The following ROBO1 variants were observed in gnomAD, a reference collection of about 807,000 sequenced individuals.
ROBO1 encodes roundabout homolog 1.
Under a neutral mutation model 195.9 loss-of-function variants are expected in ROBO1, and 149 were observed. The ratio of observed to expected loss-of-function variants is 0.76; its 90% CI spans 0.67 to 0.87. ROBO1 has a LOEUF of 0.87. ROBO1 is among the 40% of genes least tolerant of loss of function. The probability of loss-of-function intolerance (pLI) is 0.00; values close to 1 mark genes in which losing one functional copy is unlikely to be tolerated. For synonymous variants in ROBO1, 816 were observed against 733.2 expected, an observed-to-expected ratio of 1.11 and a Z score of -1.82; for missense variants, 1,933 against 2,068.3, an observed-to-expected ratio of 0.93 and a Z score of 1.27.
At chr3:78,818,234 G>GCCCA (rs2030365995) in intron 4 of ROBO1, among the ~76,000 whole-genome samples, 1 of 152,140 alleles carries the variant, frequency 6.6e-6, no homozygotes, top group African/African-American at 2.4e-5. Flanking sequence ...CTGAAGCCTG[G>GCCCA]CCCAGCCTGT....
At chr3:79,559,709 G>A (rs1942836808) in intron 2 of ROBO1, among the ~76,000 whole-genome samples, 1 of 152,086 alleles carries the variant, frequency 6.6e-6, no homozygotes, top group Non-Finnish European at 1.5e-5. Context: ...ACGAGGTCAG[G>A]ATTTCGAGAC....
At chr3:79,610,005 A>T (rs1944606417) in intron 1 of ROBO1, among the ~76,000 whole-genome samples, 1 of 151,984 alleles carries the variant, frequency 6.6e-6, no homozygotes, top group Non-Finnish European at 1.5e-5. Flanking sequence ...TTGAAATTTT[A>T]TGTTATATAT....
At chr3:79,358,996 A>G (rs2035666428) in intron 2 of ROBO1, among the ~76,000 whole-genome samples, 1 of 152,060 alleles carries the variant, frequency 6.6e-6, no homozygotes, top group Non-Finnish European at 1.5e-5. Context: ...ACGTTCATCT[A>G]TAAATTAATG....
intron 1 of ROBO1, among the ~76,000 whole-genome samples, chr3:79,697,440 C>T (rs9862551): frequency 0.59 from 89,770 of 151,020 alleles, 26,865 homozygotes; most frequent in Middle Eastern, 0.7. Context: ...GTCATCATAT[C>T]TTAAGGAGAA....
intron 2 of ROBO1, among the ~76,000 whole-genome samples, chr3:79,372,758 C>T (rs1037237161): frequency 1.3e-5 from 2 of 151,970 alleles, no homozygotes; most frequent in Non-Finnish European, 2.9e-5. Flanking sequence ...TGAGAAAATA[C>T]ATTTTTTTTT....
chr3:79,549,269 G>A (rs1300688686), intron 2 of ROBO1, among the ~76,000 whole-genome samples: 1 of 152,116 alleles, frequency 6.6e-6, no homozygotes, highest in Non-Finnish European at 1.5e-5. Flanking sequence ...TGGCCTTCAA[G>A]GAGCTTATGA....
chr3:79,238,867 C>T (rs532197885), intron 2 of ROBO1, among the ~76,000 whole-genome samples: 1 of 152,230 alleles, frequency 6.6e-6, no homozygotes, highest in African/African-American at 2.4e-5. Context: ...CTGTCACTTG[C>T]ACAATCCCAA....
chr3:79,380,124 C>T (rs1228055560), intron 2 of ROBO1, among the ~76,000 whole-genome samples: 2 of 152,168 alleles, frequency 1.3e-5, no homozygotes, highest in Non-Finnish European at 2.9e-5. Context: ...CTCCATGCAT[C>T]ATGTGATCTC....
chr3:79,676,725 C>T (rs1946795827), intron 1 of ROBO1, among the ~76,000 whole-genome samples: 1 of 151,910 alleles, frequency 6.6e-6, no homozygotes, highest in Non-Finnish European at 1.5e-5. Flanking sequence ...AACATTTCAC[C>T]ACCTTTGACA....
At chr3:79,477,193 G>A (rs1361339725) in intron 2 of ROBO1, among the ~76,000 whole-genome samples, 2 of 152,084 alleles carry the variant, frequency 1.3e-5, no homozygotes. Context: ...CTTCAAGCAA[G>A]GTAAGTGGTA....
intron 4 of ROBO1, among the ~76,000 whole-genome samples, chr3:78,818,327 T>G (rs957959283): frequency 1.3e-5 from 2 of 152,160 alleles, no homozygotes; most frequent in Non-Finnish European, 2.9e-5. Flanking sequence ...ATAGCTGGGC[T>G]GACCCAGGTT....
chr3:78,855,512 G>C (rs1490750414), intron 4 of ROBO1, among the ~76,000 whole-genome samples: 2 of 152,168 alleles, frequency 1.3e-5, no homozygotes, highest in African/African-American at 4.8e-5. Flanking sequence ...CCTCCGCACT[G>C]CTAGGATATG....
intron 4 of ROBO1, chr3:78,758,830 C>T (rs750850839): frequency 2.6e-5 from 4 of 152,108 alleles, no homozygotes; most frequent in Admixed American, 2.0e-4. Flanking sequence ...ATACAAAACA[C>T]CTGCAATCAA....
chr3:79,089,495 T>C (rs2079436679), intron 3 of ROBO1, among the ~76,000 whole-genome samples: 1 of 152,210 alleles, frequency 6.6e-6, no homozygotes, highest in African/African-American at 2.4e-5. Context: ...AACAACGTTT[T>C]AATGAACAAT....
At chr3:79,592,629 C>G (rs547688673) in intron 1 of ROBO1, among the ~76,000 whole-genome samples, 32 of 152,086 alleles carry the variant, frequency 2.1e-4, no homozygotes, top group African/African-American at 7.2e-4. Context: ...TTCCCTGACA[C>G]TATTCCATTC....
intron 1 of ROBO1, among the ~76,000 whole-genome samples, chr3:79,664,150 A>G (rs1946407228): frequency 6.6e-6 from 1 of 151,998 alleles, no homozygotes. Flanking sequence ...AATTATTATT[A>G]TTTTATTTTA....
chr3:79,198,156 T>C (rs1019011636), intron 2 of ROBO1, among the ~76,000 whole-genome samples: 6 of 152,084 alleles, frequency 3.9e-5, no homozygotes, highest in Non-Finnish European at 8.8e-5. Flanking sequence ...TCTTCTAGGG[T>C]TTTTATGGTT....
At position 79,610,055 on chromosome 3, in the gene ROBO1, T is replaced by G. The variant is rs535495525; in HGVS notation, c.-50-20094A>C. On this transcript the variant is annotated intron_variant, in intron 1 of 30. Coordinates refer to ENST00000464233, the MANE Select transcript of ROBO1 (RefSeq NM_002941.4). ...CTAAAATTATAAATAGACTAAAATA[T>G]AAATTAGCTATTTATATTTGAATAG... Among the ~76,000 whole-genome samples the G allele has an allele frequency of 3.3e-5, 5 of 152,042 alleles. No homozygotes were observed. The South Asian group carries it at 1.0e-3, about 32-fold the overall frequency.
intron 2 of ROBO1, among the ~76,000 whole-genome samples, chr3:79,586,026 T>C (rs939576849): frequency 6.6e-6 from 1 of 151,942 alleles, no homozygotes; most frequent in Non-Finnish European, 1.5e-5. Flanking sequence ...CAACATTACT[T>C]GTTAAATAAA....
Sources: gnomAD v4.1 joint callset for allele counts (sites outside exome capture counted in the v4.1 genomes callset) on GRCh38, gnomAD v4.1.1 for gene constraint, MANE v1.5 for transcripts, NCBI Gene and HGNC (gene_info 2026-07-23, HGNC 2026-07-21) for gene names.